GEMIN8: variants seen among roughly 807,000 people sequenced by gnomAD.
The protein encoded by GEMIN8 is gem-associated protein 8.
For synonymous variants in GEMIN8, 80 were observed against 78.5 expected (o/e 1.02, Z -0.10); for missense variants, 185 against 205.9 (o/e 0.90, Z 0.62).
chrX:14,002,329 T>TGATA (rs58599457), downstream of GEMIN8, among the ~76,000 whole-genome samples: 15,973 of 99,424 alleles, frequency 0.16, 1,149 homozygotes, highest in Non-Finnish European at 0.19. Flanking sequence ...GATAGATAGG[T>TGATA]GATAGATAGA....
chrX:13,986,750 C>T, the GEMIN8 span, among the ~76,000 whole-genome samples: 11 of 111,826 alleles, frequency 9.8e-5, no homozygotes, highest in African/African-American at 3.6e-4. Context: ...ATGTCCCTGG[C>T]TGAAAACCAA....
chrX:14,009,035 G>T lies in GEMIN8; in HGVS notation c.607C>A (p.Arg203Ser). The T allele has an allele frequency of 8.3e-7, 1 of 1,211,781 alleles. No individual in the cohort carries two copies. Among genetic ancestry groups the T allele is most frequent in the Non-Finnish European group, 1.1e-6 (1 of 895,338 alleles). ...PGERRQAEMK[R>S]LYGDSAAKIQ... Reference sequence around the variant, plus strand: ...TTGGCAGCACTGTCCCCGTACAAACGCTTCATCTCGGCCTGGCGCCGCTCA... The same window carrying T: ...TTGGCAGCACTGTCCCCGTACAAACTCTTCATCTCGGCCTGGCGCCGCTCA... The change falls in exon 5 of 5, where the codon CGT (arginine) becomes AGT (serine). Residue 203 changes from arginine (R) to serine (S), a missense_variant. By Grantham distance (110) the Arg-to-Ser change is moderately radical. Transcript: ENST00000680255.
the GEMIN8 span, chrX:13,988,885 T>C: frequency 9.4e-6 from 1 of 106,566 alleles, no homozygotes; most frequent in South Asian, 4.3e-4. Flanking sequence ...ATGTTCAAGA[T>C]GGAAGGGATT....
intron 4 of GEMIN8, among the ~76,000 whole-genome samples, chrX:14,012,292 AT>A (rs63295862): frequency 0.043 from 4,182 of 96,231 alleles, 181 homozygotes; most frequent in African/African-American, 0.13. Flanking sequence ...TAATTTTTGT[AT>A]TTTTTTTTTT....
the GEMIN8 span, among the ~76,000 whole-genome samples, chrX:13,994,694 C>T: frequency 8.9e-6 from 1 of 112,041 alleles, no homozygotes. Context: ...TTACATTGTA[C>T]TCTTGTTAAA....
chrX:14,025,047 T>C (rs1233361151), intron 2 of GEMIN8, among the ~76,000 whole-genome samples: 1 of 112,038 alleles, frequency 8.9e-6, no homozygotes, highest in Admixed American at 9.4e-5. Flanking sequence ...TAATAGCCTT[T>C]TACATTTTAA....
rs561672946 is a variant in GEMIN8, at chrX:14,023,041, A to G, written c.-33-1530T>C. ...AACCTTCTGTAAATTTATCTTAAACATAGCCCATAGTTCCTGTTCCTTGTC... is the reference window on the plus strand; with the variant it reads ...AACCTTCTGTAAATTTATCTTAAACGTAGCCCATAGTTCCTGTTCCTTGTC... On this transcript the variant is annotated intron_variant, in intron 2 of 4. Coordinates refer to ENST00000680255, the MANE Select transcript of GEMIN8 (RefSeq NM_001042479.2). Among the ~76,000 whole-genome samples, 546 of 112,697 alleles carry G rather than the reference A, an allele frequency of 4.8e-3. 4 individuals carry two copies. Among genetic ancestry groups the G allele is most frequent in the African/African-American group, 0.017 (523 of 31,077 alleles).
chrX:14,010,526 G>A (rs150954292), intron 4 of GEMIN8, among the ~76,000 whole-genome samples: 3,170 of 112,110 alleles, frequency 0.028, 103 homozygotes, highest in African/African-American at 0.096. Context: ...CTAATACATG[G>A]AACAGAACAT....
intron 4 of GEMIN8, chrX:14,014,411 C>T: frequency 1.3e-6 from 1 of 753,117 alleles, no homozygotes; most frequent in Non-Finnish European, 1.6e-6. Context: ...AAATGTAATC[C>T]TGAAGTTACT....
chrX:14,028,996 G>A (rs914727973), intron 1 of GEMIN8, among the ~76,000 whole-genome samples: 95 of 112,045 alleles, frequency 8.5e-4, no homozygotes, highest in African/African-American at 3.0e-3. Context: ...GATTTGAGAT[G>A]AAGAACAGCT....
At chrX:14,024,368 GC>G (rs1289816799) in intron 2 of GEMIN8, among the ~76,000 whole-genome samples, 3 of 111,451 alleles carry the variant, frequency 2.7e-5, no homozygotes, top group Non-Finnish European at 5.7e-5. Flanking sequence ...GTCTGGTGGC[GC>G]ACATCTGTAA....
chrX:14,022,004 TATGTATGTATACAC>T lies in GEMIN8; in HGVS notation c.-33-507_-33-494del, dbSNP rs1350782434. ...TATATATAATGTATATATACACATA[TATGTATGTATACAC>T]ATGTATATATACACATGTATATATA... is the stretch of plus-strand genomic sequence containing the variant. On this transcript the variant is annotated intron_variant, in intron 2 of 4. Coordinates refer to ENST00000680255, the MANE Select transcript of GEMIN8 (RefSeq NM_001042479.2). 7.1e-3 allele frequency among the ~76,000 whole-genome samples: 714 copies of T among 99,937 alleles called. 9 individuals carry two copies. The highest frequency in any genetic ancestry group is 0.024 in the African/African-American group (666 of 27,564). 86.8% of individuals were successfully genotyped at this position (99,937 alleles called of 115,157 possible). A position where few individuals can be genotyped will look rare whatever the true frequency, so the allele number is the denominator to read the frequency against.
At chrX:13,994,530 C>T in the GEMIN8 span, among the ~76,000 whole-genome samples, 1 of 112,579 alleles carries the variant, frequency 8.9e-6, no homozygotes, top group Non-Finnish European at 1.9e-5. Context: ...CATTTCTGAT[C>T]TCTTTTATAT....
rs371739640 is a variant in GEMIN8 at position 14,020,421 on chromosome X, C to A, written c.129G>T (p.Arg43Ser). The change falls in exon 4 of 5, where the codon AGG becomes AGT. Residue 43 changes from arginine (R) to serine (S), a missense_variant. Transcript: ENST00000680255. ...AWMQSHHNAY[R>S]KAVESCFNLP... ...GATTGAAACAGGATTCCACGGCCTT[C>A]CTGTAGGCATTGTGATGGCTTTGCA... The A allele has an allele frequency of 2.5e-6, 3 of 1,206,328 alleles. No homozygotes were observed. Among genetic ancestry groups the A allele is most frequent in the Non-Finnish European group, 3.4e-6 (3 of 890,531 alleles).
At chrX:14,002,337 A>AGAT (rs1354742597), downstream of GEMIN8, among the ~76,000 whole-genome samples, 1 of 81,794 alleles carries the variant, frequency 1.2e-5, no homozygotes, top group African/African-American at 4.2e-5. Context: ...GGTGATAGAT[A>AGAT]GATAGATAGA....
chrX:14,023,375 T>C (rs772215951), intron 2 of GEMIN8, among the ~76,000 whole-genome samples: 1 of 110,243 alleles, frequency 9.1e-6, no homozygotes, highest in South Asian at 3.9e-4. Context: ...AACCAGGTTT[T>C]ATATTCCTTT....
the GEMIN8 span, among the ~76,000 whole-genome samples, chrX:13,997,617 G>A: frequency 8.9e-6 from 1 of 112,287 alleles, no homozygotes; most frequent in Non-Finnish European, 1.9e-5. Flanking sequence ...CATAGAGGCC[G>A]GGTGCAGCGG....
chrX:14,016,866 AATAT>A (rs61127994), intron 4 of GEMIN8, among the ~76,000 whole-genome samples: 7,317 of 56,344 alleles, frequency 0.13, 732 homozygotes, highest in Non-Finnish European at 0.19. Flanking sequence ...AAAAAAAAAA[AATAT>A]ATATATATAT....
At chrX:13,994,539 A>G in the GEMIN8 span, among the ~76,000 whole-genome samples, 1 of 112,586 alleles carries the variant, frequency 8.9e-6, no homozygotes, top group South Asian at 3.6e-4. Flanking sequence ...TCTCTTTTAT[A>G]TCTTTGCAGT....
Sources: allele counts gnomAD v4.1 joint callset (sites outside exome capture counted in the v4.1 genomes callset), GRCh38; gene constraint gnomAD v4.1.1; transcripts MANE v1.5; gene names NCBI Gene and HGNC (gene_info 2026-07-23, HGNC 2026-07-21).